Variants in KLF8 observed in about 807,000 individuals in gnomAD.
KLF8 encodes the protein Krueppel-like factor 8.
A neutral mutation model predicts 18.2 loss-of-function variants in KLF8; 10 were observed. That is an observed-to-expected ratio of 0.55 (90% CI 0.34 to 0.93). The LOEUF (loss-of-function observed/expected upper bound fraction) is 0.93, where lower values mean the gene tolerates loss of function less well. Ranked by LOEUF, KLF8 falls within the 40% of genes least tolerant of loss-of-function variation. The pLI, the probability that KLF8 is intolerant of heterozygous loss-of-function variation, is 0.02. For synonymous variants in KLF8, 109 were observed against 97.3 expected (o/e 1.12, Z -0.71); for missense variants, 264 against 277.9 (o/e 0.95, Z 0.36).
At chrX:56,193,011 CA>C in the KLF8 span, among the ~76,000 whole-genome samples, 1 of 112,165 alleles carries the variant, frequency 8.9e-6, no homozygotes, top group African/African-American at 3.2e-5. Context: ...ACAAAGAATA[CA>C]ATCAACAAAG....
the KLF8 span, among the ~76,000 whole-genome samples, chrX:55,930,524 C>T: frequency 8.9e-6 from 1 of 111,968 alleles, no homozygotes; most frequent in Non-Finnish European, 1.9e-5. Flanking sequence ...GTGGGTTTGT[C>T]AGAAATAGCT....
At chrX:56,201,709 T>C in the KLF8 span, among the ~76,000 whole-genome samples, 1 of 111,515 alleles carries the variant, frequency 9.0e-6, no homozygotes, top group Non-Finnish European at 1.9e-5. Flanking sequence ...ATACTTATCC[T>C]CAGACTCATT....
chrX:56,186,089 A>T, the KLF8 span, among the ~76,000 whole-genome samples: 17 of 112,217 alleles, frequency 1.5e-4, no homozygotes, highest in South Asian at 1.8e-3. Context: ...GCAAATTGGA[A>T]AAAGAGTCAA....
the KLF8 span, among the ~76,000 whole-genome samples, chrX:56,058,275 T>TATATAC: frequency 9.4e-3 from 333 of 35,511 alleles, 4 homozygotes; most frequent in African/African-American, 0.03. Flanking sequence ...TATACATATA[T>TATATAC]ATACATATAT....
At chrX:56,226,694 T>C in the KLF8 span, among the ~76,000 whole-genome samples, 1 of 112,455 alleles carries the variant, frequency 8.9e-6, no homozygotes, top group African/African-American at 3.2e-5. Flanking sequence ...GTTTATATCA[T>C]GTAAACAGGT....
chrX:55,921,782 C>A, the KLF8 span, among the ~76,000 whole-genome samples: 7 of 111,723 alleles, frequency 6.3e-5, no homozygotes, highest in South Asian at 7.4e-4. Context: ...AATAAAAAAA[C>A]CCCATTATAA....
At chrX:56,040,513 G>A in the KLF8 span, among the ~76,000 whole-genome samples, 1 of 111,785 alleles carries the variant, frequency 8.9e-6, no homozygotes, top group South Asian at 3.7e-4. Flanking sequence ...TTCTGTTTAC[G>A]TGATTAATCA....
chrX:55,920,971 A>C, the KLF8 span, among the ~76,000 whole-genome samples: 3 of 112,322 alleles, frequency 2.7e-5, no homozygotes, highest in Non-Finnish European at 5.6e-5. Context: ...ACATAGACAC[A>C]GGCAACCATT....
chrX:56,159,437 G>C, the KLF8 span, among the ~76,000 whole-genome samples: 1 of 112,526 alleles, frequency 8.9e-6, no homozygotes, highest in Non-Finnish European at 1.9e-5. Context: ...TTTTTCTATT[G>C]ATTGGAATAG....
At chrX:56,277,212 T>C (rs2067134762) in intron 5 of KLF8, among the ~76,000 whole-genome samples, 1 of 111,952 alleles carries the variant, frequency 8.9e-6, no homozygotes, top group Admixed American at 9.5e-5. Context: ...GTCTTGATGC[T>C]TGTAGATATT....
chrX:56,260,593 C>T (rs1360121884), intron 2 of KLF8, among the ~76,000 whole-genome samples: 2 of 111,271 alleles, frequency 1.8e-5, no homozygotes, highest in Non-Finnish European at 3.8e-5. Flanking sequence ...TTAAAATTGC[C>T]GGGTTTGTTA....
chrX:56,046,532 T>A, the KLF8 span, among the ~76,000 whole-genome samples: 1 of 110,905 alleles, frequency 9.0e-6, no homozygotes, highest in Non-Finnish European at 1.9e-5. Context: ...AAGGAGGTTC[T>A]ATTTGAGGGT....
At chrX:55,991,812 GTTATC>G in the KLF8 span, among the ~76,000 whole-genome samples, 2 of 112,489 alleles carry the variant, frequency 1.8e-5, no homozygotes, top group African/African-American at 6.5e-5. Context: ...TGTGTGAGAT[GTTATC>G]TTATTGTGGT....
the KLF8 span, among the ~76,000 whole-genome samples, chrX:55,966,605 C>T: frequency 8.9e-6 from 1 of 112,097 alleles, no homozygotes; most frequent in African/African-American, 3.2e-5. Flanking sequence ...AAACTTAGAT[C>T]ACACTACCAA....
At chrX:56,195,452 C>G in the KLF8 span, among the ~76,000 whole-genome samples, 2 of 111,551 alleles carry the variant, frequency 1.8e-5, no homozygotes, top group Non-Finnish European at 3.8e-5. Context: ...AGCTTCAATA[C>G]CCGATTCAAT....
intron 5 of KLF8, among the ~76,000 whole-genome samples, chrX:56,279,327 A>T (rs187764275): frequency 1.2e-4 from 13 of 111,342 alleles, no homozygotes; most frequent in African/African-American, 3.6e-4. Context: ...TTTCAATTGT[A>T]TAAGTTTAAA....
chrX:56,011,971 A>C, the KLF8 span, among the ~76,000 whole-genome samples: 1 of 111,508 alleles, frequency 9.0e-6, no homozygotes, highest in Non-Finnish European at 1.9e-5. Flanking sequence ...TAATCTATCA[A>C]CCAAAAAAAA....
chrX:56,174,034 T>C, the KLF8 span, among the ~76,000 whole-genome samples: 2 of 112,130 alleles, frequency 1.8e-5, no homozygotes, highest in Non-Finnish European at 3.8e-5. Context: ...AATCATGTCA[T>C]CTGCAAACAG....
chrX:56,052,338 A>G, the KLF8 span, among the ~76,000 whole-genome samples: 40 of 111,775 alleles, frequency 3.6e-4, no homozygotes, highest in East Asian at 0.011. Flanking sequence ...GGAGCAGGAG[A>G]GGTGCTCTGC....
Sources: gnomAD v4.1 joint callset for allele counts (sites outside exome capture counted in the v4.1 genomes callset) on GRCh38, gnomAD v4.1.1 for gene constraint, MANE v1.5 for transcripts, NCBI Gene and HGNC (gene_info 2026-07-23, HGNC 2026-07-21) for gene names.